CCDC85C: variants seen among roughly 807,000 people sequenced by gnomAD.
The protein encoded by CCDC85C is coiled-coil domain-containing protein 85C.
In CCDC85C, 18 loss-of-function variants were observed where a neutral mutation model predicts 38.3. That is an observed-to-expected ratio of 0.47 (90% confidence interval 0.33 to 0.70). The LOEUF is 0.70. Among genes scored for constraint, CCDC85C ranks in the 30% least tolerant of loss-of-function variants. The pLI is 0.03. For missense variants in CCDC85C, 566 were observed against 621.2 expected (o/e 0.91, Z 0.94); for synonymous variants, 264 against 293.8 (o/e 0.90, Z 1.04).
At chr14:99,581,047 A>T (rs1465658109) in intron 1 of CCDC85C, among the ~76,000 whole-genome samples, 1 of 152,078 alleles carries the variant, frequency 6.6e-6, no homozygotes, top group Non-Finnish European at 1.5e-5. Context: ...GGAAAGACAG[A>T]GTGAGGGCTG....
In CCDC85C at chr14:99,603,824, T is replaced by G. The variant is rs763434759; in HGVS notation, c.136A>C (p.Met46Leu). ...CGCATCAGGCCGCCGTGCTCCAGCA[T>G]GAGGCCCACCTTCTCGCCCTCGGCG... ...RRAEGEKVGL[M>L]LEHGGLMRDV... Residue 46 changes from methionine to leucine, a missense_variant, in exon 1 of 6, where the codon ATG becomes CTG. Transcript: ENST00000380243. The surrounding 1 kb of genome is among the most constrained non-coding windows in gnomAD (Gnocchi z 7.5). 7.9e-6 allele frequency: 12 copies of G among 1,524,402 alleles called. No homozygotes were observed. In the South Asian group the frequency reaches 1.5e-4, roughly 19 times the overall value. 94.4% of individuals were successfully genotyped at this position (1,524,402 alleles called of 1,614,324 possible). A position where few individuals can be genotyped will look rare whatever the true frequency, so the allele number is the denominator to read the frequency against.
rs1436621646 is a variant in CCDC85C at position 99,520,820 on chromosome 14, A to ACAGAG, written c.975+1308_975+1312dup. ...CAAAGTAGGGGACACCCCTTCATGCACAGAGCAGTCTAGAGGAAAAAAGGA... is the reference window on the plus strand; with the variant it reads ...CAAAGTAGGGGACACCCCTTCATGCACAGAGCAGAGCAGTCTAGAGGAAAAAAGGA... On this transcript the variant is annotated intron_variant, in intron 3 of 5. Transcript: ENST00000380243. This position sits in a 1 kb window ranked among gnomAD's most constrained non-coding sequence, Gnocchi z 4.1. Among the ~76,000 whole-genome samples, 2 of 152,190 alleles carry ACAGAG rather than the reference A, an allele frequency of 1.3e-5. No homozygotes were observed. The highest frequency in any genetic ancestry group is 4.8e-5 in the African/African-American group (2 of 41,452).
intron 1 of CCDC85C, among the ~76,000 whole-genome samples, chr14:99,555,394 C>A (rs1012367869): frequency 6.6e-6 from 1 of 152,208 alleles, no homozygotes; most frequent in Non-Finnish European, 1.5e-5. Context: ...AGTGGCATGG[C>A]CGGGGTGACA....
At chr14:99,525,353 C>A (rs1897363879) in intron 2 of CCDC85C, among the ~76,000 whole-genome samples, 1 of 152,152 alleles carries the variant, frequency 6.6e-6, no homozygotes, top group African/African-American at 2.4e-5. Context: ...CCTGGGGTGA[C>A]CCCTAGGGAG....
intron 1 of CCDC85C, among the ~76,000 whole-genome samples, chr14:99,551,728 G>GGTGAGCAGGTGA (rs1897915282): frequency 6.6e-6 from 1 of 151,588 alleles, no homozygotes; most frequent in Non-Finnish European, 1.5e-5. Context: ...TGGGCAGATG[G>GGTGAGCAGGTGA]GTGAGCAGGT....
In CCDC85C at chr14:99,503,365, T is replaced by C; in HGVS notation, c.*11881A>G. ...AGTGGTCCTGAAACTTAGTGTTTACTCAGAACTCACCATTCAGGAAAGCTA... is the reference window on the plus strand; with the variant it reads ...AGTGGTCCTGAAACTTAGTGTTTACCCAGAACTCACCATTCAGGAAAGCTA... On this transcript the variant is annotated 3_prime_UTR_variant, in exon 6 of 6. Coordinates refer to ENST00000380243, the MANE Select transcript of CCDC85C (RefSeq NM_001144995.2). 3.3e-6 allele frequency: 2 copies of C among 603,676 alleles called. No homozygotes were observed. Among genetic ancestry groups the C allele is most frequent in the Non-Finnish European group, 2.9e-6 (1 of 339,310 alleles). The allele number at this position is 603,676 out of a possible 1,614,324, so 37.4% of individuals were successfully genotyped here. A position where few individuals can be genotyped will look rare whatever the true frequency, so the allele number is the denominator to read the frequency against.
intron 1 of CCDC85C, among the ~76,000 whole-genome samples, chr14:99,584,553 G>A (rs928414376): frequency 2.0e-5 from 3 of 152,206 alleles, no homozygotes; most frequent in African/African-American, 7.2e-5. Flanking sequence ...GATGTGTCAT[G>A]TTACGTCAGG....
intron 1 of CCDC85C, among the ~76,000 whole-genome samples, chr14:99,550,710 T>C (rs1897891044): frequency 6.6e-6 from 1 of 152,176 alleles, no homozygotes; most frequent in African/African-American, 2.4e-5. Flanking sequence ...ACTTAGCAGA[T>C]ACTTCACAAA....
rs959661608 is a variant in CCDC85C, at chr14:99,544,449, C to G, written c.794-8361G>C. ...AGGTTCCGAGGGGCTCCATAACCAC[C>G]CAGTCACAGAACTCATAAAAACAGG... On this transcript the variant is annotated intron_variant, in intron 1 of 5. Transcript: ENST00000380243. This position sits in a 1 kb window ranked among gnomAD's most constrained non-coding sequence, Gnocchi z 5.3. 6.6e-6 allele frequency among the ~76,000 whole-genome samples: 1 copy of G among 152,070 alleles called. No individual in the cohort carries two copies. The highest frequency in any genetic ancestry group is 1.5e-5 in the Non-Finnish European group (1 of 68,030).
chr14:99,517,036 A>G (rs528972193), intron 4 of CCDC85C, 52 bp downstream of exon 4: 1 of 1,490,474 alleles, frequency 6.7e-7, no homozygotes, highest in South Asian at 1.2e-5. Flanking sequence ...CCACAGTCTC[A>G]CAGTGCACCC....
intron 1 of CCDC85C, among the ~76,000 whole-genome samples, chr14:99,546,585 A>C (rs1595355931): frequency 6.6e-6 from 1 of 152,130 alleles, no homozygotes; most frequent in Non-Finnish European, 1.5e-5. Flanking sequence ...ATAAATCCTC[A>C]CCAGCCAGGT....
chr14:99,580,299 G>C (rs993543459), intron 1 of CCDC85C, among the ~76,000 whole-genome samples: 1 of 151,776 alleles, frequency 6.6e-6, no homozygotes, highest in Non-Finnish European at 1.5e-5. Flanking sequence ...GCTCAAGGCA[G>C]AGACTGCCAT....
At chr14:99,568,052 A>G (rs1898253164) in intron 1 of CCDC85C, among the ~76,000 whole-genome samples, 1 of 151,542 alleles carries the variant, frequency 6.6e-6, no homozygotes, top group Admixed American at 6.6e-5. Flanking sequence ...AGATGCAGAG[A>G]CTCCAGGGCA....
At chr14:99,515,503 C>CAT (rs1897208339) in intron 5 of CCDC85C, among the ~76,000 whole-genome samples, 168 bp from the exon 6 acceptor site, 1 of 152,226 alleles carries the variant, frequency 6.6e-6, no homozygotes, top group Non-Finnish European at 1.5e-5. Flanking sequence ...CAGGTCTTTG[C>CAT]ATGCCGCGCT....
In CCDC85C at chr14:99,522,257, G is replaced by A. The variant is rs74715388; in HGVS notation, c.868-17C>T. 0.031 allele frequency: 47,100 copies of A among 1,535,662 alleles called. 2,416 individuals carry two copies. Among genetic ancestry groups the A allele is most frequent in the African/African-American group, 0.23 (16,742 of 72,860 alleles). ...GCCTGCCTGCTGCAGGGGAGAGAAG[G>A]AGAGGGGTTAGACGGAGGGCCAGGC... On this transcript the variant is annotated splice_polypyrimidine_tract_variant and intron_variant, in intron 2 of 5. Coordinates refer to ENST00000380243, the MANE Select transcript of CCDC85C (RefSeq NM_001144995.2).
chr14:99,584,212 G>A (rs1050608384), intron 1 of CCDC85C, among the ~76,000 whole-genome samples: 105 of 152,144 alleles, frequency 6.9e-4, no homozygotes, highest in African/African-American at 2.5e-3. Flanking sequence ...AACTTTTTGT[G>A]AGGGTAGGAT....
chr14:99,515,118 G>A lies in CCDC85C; in HGVS notation c.*128C>T, dbSNP rs1197383933. The A allele has an allele frequency of 2.0e-5, 13 of 662,032 alleles. No homozygotes were observed. Among genetic ancestry groups the A allele is most frequent in the Admixed American group, 5.9e-5 (2 of 33,736 alleles). 41.0% of individuals were successfully genotyped at this position (662,032 alleles called of 1,614,324 possible). On this transcript the variant is annotated 3_prime_UTR_variant, in exon 6 of 6. Coordinates refer to ENST00000380243, the MANE Select transcript of CCDC85C (RefSeq NM_001144995.2). ...TGGCAGCTGGGCCAGGGCGGGCAGCGTCCTATGTACAGTTCACCACAGAGG... is the reference window on the plus strand; with the variant it reads ...TGGCAGCTGGGCCAGGGCGGGCAGCATCCTATGTACAGTTCACCACAGAGG...
chr14:99,531,169 G>A (rs1007228747), intron 2 of CCDC85C, among the ~76,000 whole-genome samples: 2 of 152,098 alleles, frequency 1.3e-5, no homozygotes, highest in African/African-American at 4.8e-5. Flanking sequence ...AGAGGAGGAG[G>A]GTGGGCTGGG....
rs1327582141 is a variant in CCDC85C, at chr14:99,503,246, T to C, written c.*12000A>G. ...TCATCCCTGCCAGGGTTCTGAAGCC[T>C]GTCGGTGTCGTTGCCGTGTCCTAGC... is the stretch of plus-strand genomic sequence containing the variant. On this transcript the variant is annotated 3_prime_UTR_variant, in exon 6 of 6. Coordinates refer to ENST00000380243, the MANE Select transcript of CCDC85C (RefSeq NM_001144995.2). 5 of 648,170 alleles carry C rather than the reference T, an allele frequency of 7.7e-6. No individual in the cohort carries two copies. Among genetic ancestry groups the C allele is most frequent in the South Asian group, 5.1e-5 (3 of 58,566 alleles). 40.2% of individuals were successfully genotyped at this position (648,170 alleles called of 1,614,324 possible). A position where few individuals can be genotyped will look rare whatever the true frequency, so the allele number is the denominator to read the frequency against.
Sources: gnomAD v4.1 joint callset for allele counts (sites outside exome capture counted in the v4.1 genomes callset) on GRCh38, gnomAD v4.1.1 for gene constraint, Gnocchi (gnomAD v3.1) non-coding constraint, MANE v1.5 for transcripts, NCBI Gene and HGNC (gene_info 2026-07-23, HGNC 2026-07-21) for gene names.